The following PRKCB variants were observed in gnomAD, a reference collection of about 807,000 sequenced individuals.
The protein encoded by PRKCB is protein kinase C beta type.
In PRKCB, 13 loss-of-function variants were observed where a neutral mutation model predicts 81.5. The ratio of observed to expected loss-of-function variants is 0.16; its 90% CI spans 0.10 to 0.25. PRKCB has a LOEUF of 0.25. Among genes scored for constraint, PRKCB ranks in the 10% least tolerant of loss-of-function variants. PRKCB has a pLI of 1.00. For missense variants in PRKCB, 509 were observed against 875.7 expected (o/e 0.58, Z 5.29); for synonymous variants, 335 against 321.4 (o/e 1.04, Z -0.45).
chr16:23,836,770 G>GGGGC (rs999780345), intron 1 of PRKCB, among the ~76,000 whole-genome samples: 10 of 151,320 alleles, frequency 6.6e-5, no homozygotes, highest in East Asian at 2.0e-4. Context: ...CTTGTTTCCG[G>GGGGC]GGGGGGCGGC....
chr16:24,139,623 G>C (rs1345731342), intron 9 of PRKCB, among the ~76,000 whole-genome samples: 1 of 152,200 alleles, frequency 6.6e-6, no homozygotes, highest in Non-Finnish European at 1.5e-5. Context: ...GGGCAAAAAT[G>C]CTACTTGATT....
intron 7 of PRKCB, among the ~76,000 whole-genome samples, chr16:24,109,016 T>C (rs1966626058): frequency 6.8e-6 from 1 of 146,036 alleles, no homozygotes; most frequent in African/African-American, 2.6e-5. Flanking sequence ...ACGGGGCGGC[T>C]GGCCGGGCGG....
At chr16:24,062,430 G>A (rs1162511467) in intron 5 of PRKCB, among the ~76,000 whole-genome samples, 5 of 152,316 alleles carry the variant, frequency 3.3e-5, no homozygotes, top group African/African-American at 4.8e-5. Flanking sequence ...TGTTTGCATC[G>A]CATTGGCTAA....
chr16:23,964,803 G>C (rs1964466939), intron 2 of PRKCB, among the ~76,000 whole-genome samples: 1 of 151,822 alleles, frequency 6.6e-6, no homozygotes, highest in Non-Finnish European at 1.5e-5. Context: ...CCCAGTAGCT[G>C]GGATTATAGG....
chr16:23,854,249 AC>A (rs1349842650), intron 2 of PRKCB, among the ~76,000 whole-genome samples: 2 of 152,094 alleles, frequency 1.3e-5, no homozygotes, highest in African/African-American at 4.8e-5. Flanking sequence ...TTCTAAGCTG[AC>A]TTGTTATATA....
chr16:24,212,402 T>TAA (rs35650101), intron 16 of PRKCB, among the ~76,000 whole-genome samples: 67 of 97,162 alleles, frequency 6.9e-4, no homozygotes, highest in Admixed American at 1.1e-3. Context: ...TTCTGTGCTT[T>TAA]AAAAAAAAAA....
At chr16:23,869,132 C>T (rs1962859703) in intron 2 of PRKCB, 1 of 453,786 alleles carries the variant, frequency 2.2e-6, no homozygotes, top group Non-Finnish European at 4.4e-6. Context: ...CACTTTCCTT[C>T]CCACTGATGT....
At chr16:23,945,426 T>C (rs1964192601) in intron 2 of PRKCB, among the ~76,000 whole-genome samples, 1 of 152,244 alleles carries the variant, frequency 6.6e-6, no homozygotes, top group South Asian at 2.1e-4. Flanking sequence ...GAAAATACTT[T>C]TTCTGATATG....
At chr16:23,931,726 C>A (rs117716161) in intron 2 of PRKCB, among the ~76,000 whole-genome samples, 1 of 152,050 alleles carries the variant, frequency 6.6e-6, no homozygotes, top group Admixed American at 6.6e-5. Context: ...GGCCTTCTGG[C>A]CTGCTGGGTC....
chr16:24,090,349 A>G (rs1228077601), intron 5 of PRKCB, among the ~76,000 whole-genome samples: 1 of 152,210 alleles, frequency 6.6e-6, no homozygotes, highest in Non-Finnish European at 1.5e-5. Context: ...CTCCCATCTC[A>G]TTTATTCGGT....
Position 24,181,725 on chromosome 16 carries a change from G to A in PRKCB, c.1533+797G>A, listed in dbSNP as rs571866085. ...CCAGGCTGCAGTGAGCCGTGATTAT[G>A]CCACTGCACTCCAGCCTGCCTGGGT... is the stretch of plus-strand genomic sequence containing the variant. On this transcript the variant is annotated intron_variant, in intron 13 of 16. Transcript: ENST00000643927. Among the ~76,000 whole-genome samples the A allele has an allele frequency of 2.6e-3, 315 of 121,254 alleles. No individual in the cohort carries two copies. The Middle Eastern group carries it at 0.033, about 13-fold the overall frequency. 79.5% of individuals were successfully genotyped at this position (121,254 alleles called of 152,430 possible). A position where few individuals can be genotyped will look rare whatever the true frequency, so the allele number is the denominator to read the frequency against.
At chr16:23,963,585 T>C (rs1567327676) in intron 2 of PRKCB, 3 of 152,180 alleles carry the variant, frequency 2.0e-5, no homozygotes. Context: ...GTGGGCAGTT[T>C]CCACTGGGTG....
At chr16:23,914,516 A>G (rs1963709372) in intron 2 of PRKCB, among the ~76,000 whole-genome samples, 1 of 152,152 alleles carries the variant, frequency 6.6e-6, no homozygotes, top group Admixed American at 6.5e-5. Context: ...TGGGCTCTGG[A>G]GTGAGATTTC....
intron 9 of PRKCB, among the ~76,000 whole-genome samples, chr16:24,133,447 G>T (rs1294327855): frequency 6.6e-6 from 1 of 152,172 alleles, no homozygotes; most frequent in Non-Finnish European, 1.5e-5. Context: ...TCCAGCCTCT[G>T]CCCTTCTGAC....
At chr16:23,868,737 T>C in intron 2 of PRKCB, among the ~76,000 whole-genome samples, 1 of 152,218 alleles carries the variant, frequency 6.6e-6, no homozygotes, top group East Asian at 1.9e-4. Context: ...TTTTATAAAG[T>C]GGTGACATGA....
At chr16:23,845,850 T>A (rs1175798850) in intron 2 of PRKCB, among the ~76,000 whole-genome samples, 1 of 152,168 alleles carries the variant, frequency 6.6e-6, no homozygotes, top group Non-Finnish European at 1.5e-5. Flanking sequence ...CAGTTTGAGG[T>A]GGCTGTTCTA....
intron 2 of PRKCB, among the ~76,000 whole-genome samples, chr16:23,883,007 A>G (rs1963147813): frequency 6.6e-6 from 1 of 152,158 alleles, no homozygotes; most frequent in South Asian, 2.1e-4. Context: ...GCTCCAGTGG[A>G]AACATCTATT....
At chr16:24,003,246 G>T (rs754577028) in intron 3 of PRKCB, among the ~76,000 whole-genome samples, 1 of 151,976 alleles carries the variant, frequency 6.6e-6, no homozygotes. Flanking sequence ...TGTTTCCTGC[G>T]GGGCCCCTGA....
intron 5 of PRKCB, among the ~76,000 whole-genome samples, chr16:24,040,566 C>G (rs749106040): frequency 2.0e-5 from 3 of 152,248 alleles, no homozygotes; most frequent in Non-Finnish European, 4.4e-5. Context: ...TCCATGAGGG[C>G]GGGACTGTGT....
Sources: gnomAD v4.1 joint callset for allele counts (sites outside exome capture counted in the v4.1 genomes callset) on GRCh38, gnomAD v4.1.1 for gene constraint, MANE v1.5 for transcripts, NCBI Gene and HGNC (gene_info 2026-07-23, HGNC 2026-07-21) for gene names.